The following LPIN1 variants were observed in gnomAD, a reference collection of about 807,000 sequenced individuals.
LPIN1 encodes the protein phosphatidate phosphatase LPIN1.
A neutral mutation model predicts 107.5 loss-of-function variants in LPIN1; 71 were observed. That is an observed-to-expected ratio of 0.66 (90% CI 0.55 to 0.80). The LOEUF is 0.80. Among genes scored for constraint, LPIN1 ranks in the 30% least tolerant of loss-of-function variants. LPIN1 has a pLI of 0.00. For missense variants in LPIN1, 1,043 were observed against 1,160.6 expected, an observed-to-expected ratio of 0.90 and a Z score of 1.47; for synonymous variants, 445 against 452.6, an observed-to-expected ratio of 0.98 and a Z score of 0.21.
intron 1 of LPIN1, among the ~76,000 whole-genome samples, chr2:11,731,194 G>A (rs78339733): frequency 3.8e-4 from 58 of 152,074 alleles, no homozygotes; most frequent in Admixed American, 2.9e-3. Flanking sequence ...CCCTGCATGC[G>A]TTAAGTATTT....
rs538805655 is a variant in LPIN1 at position 11,827,030 on chromosome 2, A to G, written c.*2239A>G. 3.5e-4 allele frequency: 54 copies of G among 152,798 alleles called. No individual in the cohort carries two copies. The highest frequency in any genetic ancestry group is 1.1e-3 in the African/African-American group (47 of 41,580). 9.5% of individuals were successfully genotyped at this position (152,798 alleles called of 1,614,324 possible). ...TTGGTTTATCTTTGTGTACATGACT[A>G]TAACCCAGTGATGCTGAGGTCATGT... On this transcript the variant is annotated 3_prime_UTR_variant, in exon 21 of 21. Transcript: ENST00000674199. This position sits in a 1 kb window ranked among gnomAD's most constrained non-coding sequence, Gnocchi z 4.1.
At chr2:11,735,544 C>A (rs1050333188) in intron 1 of LPIN1, among the ~76,000 whole-genome samples, 2 of 152,124 alleles carry the variant, frequency 1.3e-5, no homozygotes, top group Admixed American at 6.5e-5. Flanking sequence ...GCCAATCAAC[C>A]CATTAGTCCT....
At chr2:11,739,293 A>G (rs527560156) in intron 1 of LPIN1, among the ~76,000 whole-genome samples, 1 of 152,340 alleles carries the variant, frequency 6.6e-6, no homozygotes, top group African/African-American at 2.4e-5. Context: ...GAGGGCTCCA[A>G]TCCAGCCATC....
chr2:11,823,857 T>C (rs1255892438), intron 20 of LPIN1, among the ~76,000 whole-genome samples: 1 of 152,200 alleles, frequency 6.6e-6, no homozygotes, highest in Non-Finnish European at 1.5e-5. Flanking sequence ...CCTGCTCTAA[T>C]TCAGCTCCAC....
At chr2:11,767,981 G>C (rs1300257834) in intron 3 of LPIN1, 123 bp downstream of exon 3, 1 of 732,262 alleles carries the variant, frequency 1.4e-6, no homozygotes, top group Non-Finnish European at 2.5e-6. Flanking sequence ...CGATGGGGCA[G>C]AGAAAAGTGG....
rs1430531273 is a variant in LPIN1, at chr2:11,771,344, C to G, written c.289-28C>G. ...TTCTTATACCTGAATTAACGAGGCT[C>G]TTTTTAGAAAATGTGTTCTTTTCTT... On this transcript the variant is annotated intron_variant, in intron 3 of 20. Transcript: ENST00000674199. The surrounding 1 kb of genome is among the most constrained non-coding windows in gnomAD (Gnocchi z 4.8). 6.2e-7 allele frequency: 1 copy of G among 1,612,252 alleles called. No homozygotes were observed. Among genetic ancestry groups the G allele is most frequent in the African/African-American group, 1.3e-5 (1 of 74,876 alleles).
intron 1 of LPIN1, among the ~76,000 whole-genome samples, chr2:11,752,682 C>T (rs376411287): frequency 1.3e-5 from 2 of 151,874 alleles, no homozygotes; most frequent in East Asian, 3.9e-4. Context: ...CCGCCCGCCT[C>T]GGCCTCCCAA....
At chr2:11,764,485 G>T (rs1292343906) in intron 1 of LPIN1, among the ~76,000 whole-genome samples, 1 of 152,224 alleles carries the variant, frequency 6.6e-6, no homozygotes, top group East Asian at 1.9e-4. Flanking sequence ...TCACGAGCCT[G>T]TGAGTCTCTC....
In LPIN1 at chr2:11,750,077, G is replaced by T. The variant is rs577593428; in HGVS notation, c.-10+3406G>T. 8.6e-5 allele frequency among the ~76,000 whole-genome samples: 13 copies of T among 152,038 alleles called. No individual in the cohort carries two copies. The East Asian group carries it at 2.5e-3, about 29-fold the overall frequency. On this transcript the variant is annotated intron_variant, in intron 1 of 20. Transcript: ENST00000674199. ...CATTTGCCTGCTGGCACGCACTTGT[G>T]CCCCCCTCCCCTCCCCGGCCTCGCT...
intron 17 of LPIN1, among the ~76,000 whole-genome samples, chr2:11,810,385 G>A (rs949316917): frequency 3.3e-5 from 5 of 152,102 alleles, no homozygotes; most frequent in East Asian, 1.9e-4. Context: ...AAGTAGGAGC[G>A]AGAGGGGAGG....
At chr2:11,781,011 A>G (rs987150302) in intron 7 of LPIN1, among the ~76,000 whole-genome samples, 2 of 152,264 alleles carry the variant, frequency 1.3e-5, no homozygotes, top group Admixed American at 1.3e-4. Context: ...AATGTATTAT[A>G]AGCATCTTGA....
intron 1 of LPIN1, among the ~76,000 whole-genome samples, chr2:11,725,049 C>A (rs1271480207): frequency 6.6e-6 from 1 of 152,154 alleles, no homozygotes; most frequent in Non-Finnish European, 1.5e-5. Flanking sequence ...ATCACAAGGT[C>A]AGGAGATCGA....
At chr2:11,795,584 T>G in intron 14 of LPIN1, 97 bp downstream of exon 14, 1 of 1,105,514 alleles carries the variant, frequency 9.0e-7, no homozygotes, top group Non-Finnish European at 1.4e-6. Context: ...ACCACACAGT[T>G]CCAACTCTGG....
At chr2:11,742,356 G>T (rs1666454085), upstream of LPIN1, among the ~76,000 whole-genome samples, 1 of 152,120 alleles carries the variant, frequency 6.6e-6, no homozygotes, top group Admixed American at 6.5e-5. Context: ...CTAAGGAAGG[G>T]GGGACTCTTA....
At position 11,824,634 on chromosome 2, in the gene LPIN1, A is replaced by G. The variant is rs529914328; in HGVS notation, c.2624A>G (p.Tyr875Cys). The change falls in exon 21 of 21, where the codon TAT becomes TGT. Residue 875 changes from tyrosine (Y) to cysteine (C), a missense_variant and splice_region_variant. Coordinates refer to ENST00000674199, the MANE Select transcript of LPIN1 (RefSeq NM_001349206.2). ...QEHAKTNISS[Y>C]VRLCEVVDHV... ...TGACAATGTCCCTTTCCTTCCAGGT[A>G]TGTGAGACTCTGTGAAGTAGTCGAC... 6.2e-7 allele frequency: 1 copy of G among 1,613,978 alleles called. No individual in the cohort carries two copies. Among genetic ancestry groups the G allele is most frequent in the Non-Finnish European group, 8.5e-7 (1 of 1,179,994 alleles).
intron 20 of LPIN1, among the ~76,000 whole-genome samples, chr2:11,822,121 G>A (rs1681625319): frequency 6.6e-6 from 1 of 151,944 alleles, no homozygotes; most frequent in Non-Finnish European, 1.5e-5. Context: ...ACCCAAGGCT[G>A]GGTAATTTAT....
chr2:11,785,069 C>A lies in LPIN1; in HGVS notation c.1542C>A (p.Ile514=). The A allele has an allele frequency of 1.3e-6, 2 of 1,578,856 alleles. No homozygotes were observed. Among genetic ancestry groups the A allele is most frequent in the Non-Finnish European group, 8.6e-7 (1 of 1,165,452 alleles). Residue 514 remains isoleucine, a synonymous_variant, in exon 10 of 21, where the codon ATC becomes ATA. Coordinates refer to ENST00000674199, the MANE Select transcript of LPIN1 (RefSeq NM_001349206.2). ...GGGGCCTCAGCGACCACCGGGAGATCACGAAAGGTACCGCGGGCCTCGCGC... is the reference window on the plus strand; with the variant it reads ...GGGGCCTCAGCGACCACCGGGAGATAACGAAAGGTACCGCGGGCCTCGCGC... ...LCGGLSDHRE[I]TKDAFLEQAV...
intron 2 of LPIN1, among the ~76,000 whole-genome samples, chr2:11,716,328 A>G (rs991282024): frequency 6.6e-6 from 1 of 152,090 alleles, no homozygotes; most frequent in Admixed American, 6.5e-5. Flanking sequence ...ATGTTTAGTA[A>G]TGAGAAAACC....
Position 11,732,905 on chromosome 2 carries a change from C to CTG in LPIN1, c.-72+8367_-72+8368insGT, listed in dbSNP as rs774820092. 2.1e-3 allele frequency among the ~76,000 whole-genome samples: 314 copies of CTG among 147,034 alleles called. 3 individuals are homozygous for CTG. Among genetic ancestry groups the CTG allele is most frequent in the African/African-American group, 7.5e-3 (282 of 37,558 alleles). On this transcript the variant is annotated intron_variant, in intron 1 of 21. Coordinates refer to the LPIN1 transcript ENST00000396097. Reference sequence around the variant, plus strand: ...TCTCTCTCTCTCTTTCTCTCTCTCTCTCTCTCTGTGTGTGTGTGTGTGTGT... The same window carrying CTG: ...TCTCTCTCTCTCTTTCTCTCTCTCTCTGTCTCTCTGTGTGTGTGTGTGTGTGT...
Sources: gnomAD v4.1 joint callset for allele counts (sites outside exome capture counted in the v4.1 genomes callset) on GRCh38, gnomAD v4.1.1 for gene constraint, Gnocchi (gnomAD v3.1) non-coding constraint, MANE v1.5 for transcripts, NCBI Gene and HGNC (gene_info 2026-07-23, HGNC 2026-07-21) for gene names.